Variants in FAM200B observed in about 807,000 individuals in gnomAD.
FAM200B encodes the protein protein FAM200B.
A neutral mutation model predicts 33.1 loss-of-function variants in FAM200B; 32 were observed. The ratio of observed to expected loss-of-function variants is 0.97; its 90% CI spans 0.73 to 1.30. The LOEUF is 1.30. FAM200B is among the 50% of genes most tolerant of loss of function. FAM200B has a pLI of 0.00. For missense variants in FAM200B, 741 were observed against 754.0 expected (o/e 0.98, Z 0.20); for synonymous variants, 240 against 264.8 (o/e 0.91, Z 0.91).
chr4:15,655,765 G>A, the FAM200B span, among the ~76,000 whole-genome samples: 1 of 152,182 alleles, frequency 6.6e-6, no homozygotes, highest in South Asian at 2.1e-4. Context: ...CTTGGCCTGG[G>A]TGACCAATGC....
At chr4:15,681,141 C>T (rs1002236406), upstream of FAM200B, 1 of 152,018 alleles carries the variant, frequency 6.6e-6, no homozygotes, top group African/African-American at 2.4e-5. Context: ...TGTTAAAAAT[C>T]AATGATCTGC....
In FAM200B at chr4:15,688,413, C is replaced by G; in HGVS notation, c.1436C>G (p.Pro479Arg). ...CAAGTAAGACTTAAAAGTAATCGTCCTAGCTATTACATGTTTCCAAGATTT... is the reference window on the plus strand; with the variant it reads ...CAAGTAAGACTTAAAAGTAATCGTCGTAGCTATTACATGTTTCCAAGATTT... ...LWQVRLKSNR[P>R]SYYMFPRFLQ... Residue 479 changes from proline to arginine, a missense_variant, in exon 2 of 2, where the codon CCT becomes CGT. Pro to Arg is a moderately radical substitution (Grantham distance 103). Transcript: ENST00000422728. The G allele has an allele frequency of 1.9e-6, 3 of 1,546,848 alleles. No individual in the cohort carries two copies. Among genetic ancestry groups the G allele is most frequent in the Admixed American group, 2.0e-5 (1 of 50,842 alleles).
At chr4:15,644,567 T>C in the FAM200B span, 1 of 1,614,034 alleles carries the variant, frequency 6.2e-7, no homozygotes, top group East Asian at 2.2e-5. Flanking sequence ...ACATTATAAA[T>C]GGTCTGGCTG....
At chr4:15,679,346 C>T (rs183393706), upstream of FAM200B, among the ~76,000 whole-genome samples, 3 of 151,996 alleles carry the variant, frequency 2.0e-5, no homozygotes, top group African/African-American at 7.2e-5. Flanking sequence ...GCCACCATGT[C>T]GGGCTAAAAT....
chr4:15,644,755 T>C, the FAM200B span: 1 of 1,355,416 alleles, frequency 7.4e-7, no homozygotes, highest in South Asian at 1.3e-5. Flanking sequence ...CGTGCAAATA[T>C]GCACAAATAA....
the FAM200B span, among the ~76,000 whole-genome samples, chr4:15,673,859 A>G: frequency 3.9e-5 from 6 of 152,142 alleles, no homozygotes; most frequent in African/African-American, 1.4e-4. Context: ...TCCCTGTACT[A>G]TGGCTTAGAA....
chr4:15,648,470 T>C, the FAM200B span, among the ~76,000 whole-genome samples: 1 of 152,200 alleles, frequency 6.6e-6, no homozygotes. Flanking sequence ...AGCCAAGATA[T>C]GGAGCCAACC....
At chr4:15,643,551 G>C in the FAM200B span, among the ~76,000 whole-genome samples, 22 of 150,410 alleles carry the variant, frequency 1.5e-4, no homozygotes, top group Non-Finnish European at 2.8e-4. Context: ...GATTACAGGC[G>C]CCTGCCACTA....
At chr4:15,657,655 T>A in the FAM200B span, among the ~76,000 whole-genome samples, 4 of 152,178 alleles carry the variant, frequency 2.6e-5, no homozygotes, top group South Asian at 8.3e-4. Context: ...TTAAAAATAA[T>A]CCCTGTGAGT....
chr4:15,684,609 C>T (rs893855391), intron 1 of FAM200B: 4 of 152,196 alleles, frequency 2.6e-5, no homozygotes, highest in Non-Finnish European at 4.4e-5. Context: ...TCAGTATTCC[C>T]TTTCAGGCAG....
At chr4:15,649,856 C>G in the FAM200B span, among the ~76,000 whole-genome samples, 1 of 152,062 alleles carries the variant, frequency 6.6e-6, no homozygotes, top group Non-Finnish European at 1.5e-5. Context: ...CAAACAGAGT[C>G]TCAGGAAGAA....
the FAM200B span, among the ~76,000 whole-genome samples, chr4:15,638,354 C>A: frequency 6.6e-6 from 1 of 152,184 alleles, no homozygotes; most frequent in Non-Finnish European, 1.5e-5. Flanking sequence ...GAACCATCGT[C>A]TTCAATTAAA....
At chr4:15,675,388 T>C in the FAM200B span, among the ~76,000 whole-genome samples, 2 of 152,140 alleles carry the variant, frequency 1.3e-5, no homozygotes, top group African/African-American at 2.4e-5. Context: ...TACTATAGTA[T>C]ATAAAGATTT....
chr4:15,644,950 C>T, the FAM200B span, among the ~76,000 whole-genome samples: 14 of 152,102 alleles, frequency 9.2e-5, no homozygotes, highest in Non-Finnish European at 2.1e-4. Context: ...ATGATATGTG[C>T]ACAAATCACG....
At chr4:15,642,217 G>A in the FAM200B span, among the ~76,000 whole-genome samples, 6 of 150,974 alleles carry the variant, frequency 4.0e-5, no homozygotes, top group South Asian at 8.4e-4. Flanking sequence ...CTCAAAGCAT[G>A]TGGAAAATTT....
At chr4:15,665,759 C>A in the FAM200B span, among the ~76,000 whole-genome samples, 1,047 of 152,194 alleles carry the variant, frequency 6.9e-3, 20 homozygotes, top group African/African-American at 0.024. Context: ...GGCCCCCAGT[C>A]CAAAATTCTT....
chr4:15,687,320 A>G lies in FAM200B; in HGVS notation c.343A>G (p.Ile115Val). 5 of 1,545,632 alleles carry G rather than the reference A, an allele frequency of 3.2e-6. No individual in the cohort carries two copies. Among genetic ancestry groups the G allele is most frequent in the Non-Finnish European group, 4.4e-6 (5 of 1,143,544 alleles). Residue 115 changes from isoleucine to valine, a missense_variant, in exon 2 of 2, where the codon ATT (isoleucine) becomes GTT (valine). Coordinates refer to ENST00000422728, the MANE Select transcript of FAM200B (RefSeq NM_001145191.2). ...RHLETQHAELIDKPLEYFQRK... is the reference protein window; with the variant it reads ...RHLETQHAELVDKPLEYFQRK... ...CTTAGAAACTCAGCATGCTGAACTT[A>G]TTGATAAGCCTCTTGAATATTTTCA...
the FAM200B span, among the ~76,000 whole-genome samples, chr4:15,637,711 C>T: frequency 2.6e-5 from 4 of 152,124 alleles, no homozygotes; most frequent in East Asian, 1.9e-4. Flanking sequence ...ATAAGCTTTA[C>T]GGGATTAATT....
At chr4:15,656,901 CA>C in the FAM200B span, among the ~76,000 whole-genome samples, 197 of 151,114 alleles carry the variant, frequency 1.3e-3, no homozygotes, top group African/African-American at 4.5e-3. Context: ...TAGGGTCCCA[CA>C]AATTAGTAAG....
Sources: gnomAD v4.1 joint callset for allele counts (sites outside exome capture counted in the v4.1 genomes callset) on GRCh38, gnomAD v4.1.1 for gene constraint, MANE v1.5 for transcripts, NCBI Gene and HGNC (gene_info 2026-07-23, HGNC 2026-07-21) for gene names.